Variants in ARHGEF10L observed in about 807,000 individuals in gnomAD.
ARHGEF10L encodes the protein Rho guanine nucleotide exchange factor 10 like, also known as rho guanine nucleotide exchange factor 10-like protein.
ARHGEF10L carries 69 observed loss-of-function variants against 141.2 expected under a neutral mutation model. That is an observed-to-expected ratio of 0.49 (90% CI 0.40 to 0.60). The LOEUF (loss-of-function observed/expected upper bound fraction) is 0.60, where lower values mean the gene tolerates loss of function less well. Among genes scored for constraint, ARHGEF10L ranks in the 20% least tolerant of loss-of-function variants. The pLI is 0.00. For missense variants in ARHGEF10L, 1,482 were observed against 1,734.3 expected (o/e 0.85, Z 2.58); for synonymous variants, 711 against 718.5 (o/e 0.99, Z 0.17).
At chr1:17,561,465 C>A in intron 1 of ARHGEF10L, among the ~76,000 whole-genome samples, 1 of 152,210 alleles carries the variant, frequency 6.6e-6, no homozygotes, top group East Asian at 1.9e-4. Flanking sequence ...GAGGCAGCCC[C>A]AATGAGCCCT....
intron 4 of ARHGEF10L, among the ~76,000 whole-genome samples, chr1:17,599,827 C>T (rs1011667685): frequency 2.6e-5 from 4 of 152,200 alleles, no homozygotes; most frequent in African/African-American, 7.2e-5. Context: ...TAGACCTGCA[C>T]CACCCAGTCC....
At chr1:17,649,728 G>A (rs1401205022) in intron 22 of ARHGEF10L, among the ~76,000 whole-genome samples, 6 of 152,324 alleles carry the variant, frequency 3.9e-5, no homozygotes, top group Admixed American at 2.0e-4. Context: ...TAAAGACATC[G>A]GGGCCACAGT....
chr1:17,522,758 G>C, the ARHGEF10L span, among the ~76,000 whole-genome samples: 259 of 152,152 alleles, frequency 1.7e-3, no homozygotes, highest in Non-Finnish European at 3.1e-3. Flanking sequence ...GGACTTTCAG[G>C]GGGGTGACTG....
intron 27 of ARHGEF10L, among the ~76,000 whole-genome samples, chr1:17,688,804 C>A (rs1417847722): frequency 6.6e-6 from 1 of 152,142 alleles, no homozygotes; most frequent in Admixed American, 6.5e-5. Flanking sequence ...CTCTGCCTAC[C>A]CCAGGGGCCC....
intron 11 of ARHGEF10L, 104 bp from the exon 12 acceptor site, chr1:17,622,892 G>A (rs1484590224): frequency 2.4e-5 from 30 of 1,254,238 alleles, no homozygotes; most frequent in South Asian, 1.2e-4. Context: ...CCTCCCCTCC[G>A]TGCCACGGGA....
rs1200068957 is a variant in ARHGEF10L, at chr1:17,654,601, G to C, written c.2395-35G>C. On this transcript the variant is annotated intron_variant, in intron 22 of 28. Transcript: ENST00000361221. The surrounding 1 kb of genome is among the most constrained non-coding windows in gnomAD (Gnocchi z 4.3). ...AATATTGGCATCTGGGCACCTTGATGATTAACCTCACATGTACCGTCTCTG... is the reference window on the plus strand; with the variant it reads ...AATATTGGCATCTGGGCACCTTGATCATTAACCTCACATGTACCGTCTCTG... 1.9e-6 allele frequency: 3 copies of C among 1,594,008 alleles called. No individual in the cohort carries two copies. The highest frequency in any genetic ancestry group is 2.6e-6 in the Non-Finnish European group (3 of 1,161,658).
intron 26 of ARHGEF10L, among the ~76,000 whole-genome samples, chr1:17,684,113 C>T (rs985903102): frequency 5.3e-5 from 8 of 152,326 alleles, no homozygotes; most frequent in East Asian, 1.9e-4. Context: ...CCCATCCATT[C>T]GCCCCACTGC....
chr1:17,591,565 C>T (rs2079548766), intron 4 of ARHGEF10L, among the ~76,000 whole-genome samples: 1 of 152,022 alleles, frequency 6.6e-6, no homozygotes, highest in African/African-American at 2.4e-5. Flanking sequence ...TGTGTGCCAC[C>T]ACGCCGAACT....
intron 26 of ARHGEF10L, among the ~76,000 whole-genome samples, chr1:17,687,340 G>C (rs6672069): frequency 0.18 from 27,753 of 152,112 alleles, 2,793 homozygotes; most frequent in African/African-American, 0.26. Context: ...ATTGGCAAAC[G>C]CTGCAAACCA....
chr1:17,522,572 G>A, the ARHGEF10L span, among the ~76,000 whole-genome samples: 2 of 151,662 alleles, frequency 1.3e-5, no homozygotes, highest in African/African-American at 4.8e-5. Context: ...AATCCTCGTC[G>A]GGGGCAGAAG....
chr1:17,691,303 T>G (rs2065084179), intron 27 of ARHGEF10L: 2 of 290,894 alleles, frequency 6.9e-6, no homozygotes, highest in African/African-American at 2.3e-5. Flanking sequence ...TTCCTTGAGG[T>G]GGAGGGGGAG....
rs143514011 is a variant in ARHGEF10L at position 17,697,446 on chromosome 1, C to T, written c.*66C>T. The T allele has an allele frequency of 7.8e-4, 1,186 of 1,514,874 alleles. 4 individuals are homozygous for T. The African/African-American group carries it at 0.015, about 19-fold the overall frequency. The allele number at this position is 1,514,874 out of a possible 1,614,324, so 93.8% of individuals were successfully genotyped here. ...ACCAAGGCCACGCCCGGCTCTCGTG[C>T]TCTAGGACCTGCACGGGACTTGTGG... On this transcript the variant is annotated 3_prime_UTR_variant, in exon 29 of 29. Coordinates refer to ENST00000361221, the MANE Select transcript of ARHGEF10L (RefSeq NM_018125.4). The surrounding 1 kb of genome is among the most constrained non-coding windows in gnomAD (Gnocchi z 4.8).
At chr1:17,662,798 G>A (rs1377400935) in intron 25 of ARHGEF10L, among the ~76,000 whole-genome samples, 1 of 152,160 alleles carries the variant, frequency 6.6e-6, no homozygotes, top group Non-Finnish European at 1.5e-5. Flanking sequence ...GGAGACAGCT[G>A]TGCCCCATCG....
In ARHGEF10L at chr1:17,697,605, G is replaced by T. The variant is rs761574544; in HGVS notation, c.*225G>T. 6 of 683,534 alleles carry T rather than the reference G, an allele frequency of 8.8e-6. No individual in the cohort carries two copies. The South Asian group carries it at 9.1e-5, about 10-fold the overall frequency. 42.3% of individuals were successfully genotyped at this position (683,534 alleles called of 1,614,324 possible). A position where few individuals can be genotyped will look rare whatever the true frequency, so the allele number is the denominator to read the frequency against. ...AGGGAGGACACATCTGGAGGAAATG[G>T]CCTTCTTTTTAAAAGCAAAAAACAC... On this transcript the variant is annotated 3_prime_UTR_variant, in exon 29 of 29. Coordinates refer to ENST00000361221, the MANE Select transcript of ARHGEF10L (RefSeq NM_018125.4). This position sits in a 1 kb window ranked among gnomAD's most constrained non-coding sequence, Gnocchi z 4.8.
chr1:17,572,321 C>A (rs889642040), intron 1 of ARHGEF10L, among the ~76,000 whole-genome samples: 11 of 152,214 alleles, frequency 7.2e-5, no homozygotes, highest in Non-Finnish European at 1.3e-4. Context: ...GGGTAGAAAA[C>A]TCTGCAGGCA....
intron 1 of ARHGEF10L, 114 bp from the exon 2 acceptor site, chr1:17,580,439 T>C: frequency 1.2e-6 from 1 of 853,862 alleles, no homozygotes; most frequent in South Asian, 1.5e-5. Context: ...GGGGCTGCCC[T>C]GTGCTCTGAG....
intron 25 of ARHGEF10L, among the ~76,000 whole-genome samples, chr1:17,657,110 G>T (rs912153895): frequency 2.0e-5 from 3 of 152,180 alleles, no homozygotes; most frequent in African/African-American, 2.4e-5. Context: ...GTCCTGGAGG[G>T]TTAGACAACT....
chr1:17,524,536 C>A, the ARHGEF10L span, among the ~76,000 whole-genome samples: 1 of 152,104 alleles, frequency 6.6e-6, no homozygotes, highest in South Asian at 2.1e-4. Flanking sequence ...GGCACCACTG[C>A]ACTCCACCCT....
rs962220288 is a variant in ARHGEF10L, at chr1:17,558,726, T to C, written c.-44+18776T>C. Among the ~76,000 whole-genome samples, 1 of 152,190 alleles carries C rather than the reference T, an allele frequency of 6.6e-6. No individual in the cohort carries two copies. The highest frequency in any genetic ancestry group is 1.5e-5 in the Non-Finnish European group (1 of 68,042). ...CCCACGAGGTCTGGGCCTCAGTAGA[T>C]GCTTAGCCAACATGAGTTGTCAGTG... On this transcript the variant is annotated intron_variant, in intron 1 of 28. Coordinates refer to ENST00000361221, the MANE Select transcript of ARHGEF10L (RefSeq NM_018125.4). The surrounding 1 kb of genome is among the most constrained non-coding windows in gnomAD (Gnocchi z 4.2).
Sources: gnomAD v4.1 joint callset for allele counts (sites outside exome capture counted in the v4.1 genomes callset) on GRCh38, gnomAD v4.1.1 for gene constraint, Gnocchi (gnomAD v3.1) non-coding constraint, MANE v1.5 for transcripts, NCBI Gene and HGNC (gene_info 2026-07-23, HGNC 2026-07-21) for gene names.